ATXN2: variants seen among roughly 807,000 people sequenced by gnomAD.
The protein encoded by ATXN2 is ataxin-2.
Under a neutral mutation model 138.6 loss-of-function variants are expected in ATXN2, and 37 were observed. That is an observed-to-expected ratio of 0.27 (90% CI 0.21 to 0.35). The LOEUF (loss-of-function observed/expected upper bound fraction) is 0.35. Ranked by LOEUF, ATXN2 falls within the 10% of genes least tolerant of loss-of-function variation. The probability of loss-of-function intolerance (pLI) is 1.00; values close to 1 mark genes in which losing one functional copy is unlikely to be tolerated. For missense variants in ATXN2, 1,216 were observed against 1,480.3 expected (o/e 0.82, Z 2.93); for synonymous variants, 549 against 543.7 (o/e 1.01, Z -0.13).
At chr12:111,461,694 A>G (rs1875593410) in intron 21 of ATXN2, among the ~76,000 whole-genome samples, 1 of 151,652 alleles carries the variant, frequency 6.6e-6, no homozygotes. Flanking sequence ...GGGCCGAGGT[A>G]GGTGATCACG....
intron 14 of ATXN2, among the ~76,000 whole-genome samples, chr12:111,501,582 C>T (rs189460091): frequency 6.6e-5 from 10 of 152,252 alleles, no homozygotes; most frequent in Admixed American, 1.3e-4. Flanking sequence ...GCAACTCTGG[C>T]GCATCGCAAG....
At chr12:111,495,372 C>G (rs1226222379) in intron 14 of ATXN2, among the ~76,000 whole-genome samples, 1 of 147,846 alleles carries the variant, frequency 6.8e-6, no homozygotes, top group Admixed American at 6.8e-5. Context: ...CCTATAAAAT[C>G]ACACATAGAC....
chr12:111,537,858 G>A (rs937059289), intron 5 of ATXN2, among the ~76,000 whole-genome samples: 1 of 152,030 alleles, frequency 6.6e-6, no homozygotes, highest in Non-Finnish European at 1.5e-5. Context: ...CACTTTGGGA[G>A]GCTGGGGCAG....
chr12:111,561,558 G>A (rs1882688554), intron 1 of ATXN2, among the ~76,000 whole-genome samples: 1 of 151,946 alleles, frequency 6.6e-6, no homozygotes, highest in Non-Finnish European at 1.5e-5. Context: ...ACTTGGCTGG[G>A]CACAGTGGCT....
At position 111,516,265 on chromosome 12, in the gene ATXN2, T is replaced by A; in HGVS notation, c.1264A>T (p.Thr422Ser). The change falls in exon 10 of 25, where the codon ACA becomes TCA. Residue 422 changes from threonine (T) to serine (S), a missense_variant. Thr to Ser is a moderately conservative substitution (Grantham distance 58). Coordinates refer to ENST00000673436, the MANE Select transcript of ATXN2 (RefSeq NM_001372574.1). This position sits in a 1 kb window ranked among gnomAD's most constrained non-coding sequence, Gnocchi z 5.0. ...NSLPPRAATP[T>S]RPPSRPPSRP... is the part of the protein sequence containing the mutation. ...GAGGGGGGCCTGGAGGGCGGCCGTGTAGGGGTGGCTGCCCGAGGTGGAAGA... is the reference window on the plus strand; with the variant it reads ...GAGGGGGGCCTGGAGGGCGGCCGTGAAGGGGTGGCTGCCCGAGGTGGAAGA... 2 of 1,573,256 alleles carry A rather than the reference T, an allele frequency of 1.3e-6. No individual in the cohort carries two copies. The highest frequency in any genetic ancestry group is 1.7e-6 in the Non-Finnish European group (2 of 1,165,136).
At chr12:111,569,095 C>G (rs909252995) in intron 1 of ATXN2, among the ~76,000 whole-genome samples, 2 of 152,140 alleles carry the variant, frequency 1.3e-5, no homozygotes, top group African/African-American at 4.8e-5. Flanking sequence ...ATATAATCAT[C>G]TAGGATCATT....
chr12:111,598,980 G>A lies in ATXN2; in HGVS notation c.55C>T (p.Gln19Ter). The A allele has an allele frequency of 7.9e-7, 1 of 1,258,742 alleles. No individual in the cohort carries two copies. The allele number at this position is 1,258,742 out of a possible 1,614,324, so 78.0% of individuals were successfully genotyped here. A position where few individuals can be genotyped will look rare whatever the true frequency, so the allele number is the denominator to read the frequency against. The change falls in exon 1 of 25, where the codon CAA (glutamine) becomes TAA (stop). Residue 19 changes from glutamine (Q) to a stop codon, truncating the protein, a stop_gained. Coordinates refer to ENST00000673436, the MANE Select transcript of ATXN2 (RefSeq NM_001372574.1). LOFTEE classifies it high-confidence loss of function. This position sits in a 1 kb window ranked among gnomAD's most constrained non-coding sequence, Gnocchi z 4.5. ...TGCTGCTGCTGCTGCTGCTGCTGTT[G>A]CTGCTGCTGCTGCTGCTGCTGCTGC... is the stretch of plus-strand genomic sequence containing the variant. ...QQQQQQQQQQ[Q>*]QQQQQQQQQP...
intron 1 of ATXN2, among the ~76,000 whole-genome samples, chr12:111,582,176 T>C (rs989801044): frequency 1.3e-5 from 2 of 151,988 alleles, no homozygotes; most frequent in Non-Finnish European, 2.9e-5. Context: ...CAAAAATTTT[T>C]TTAAATTGTA....
chr12:111,485,435 T>C (rs1404816181), intron 17 of ATXN2, 104 bp from the exon 18 acceptor site: 6 of 1,177,386 alleles, frequency 5.1e-6, no homozygotes, highest in Non-Finnish European at 7.3e-6. Flanking sequence ...CATGAGAAGG[T>C]TTCCTGATTC....
chr12:111,555,477 C>G lies in ATXN2; in HGVS notation c.288+406G>C, dbSNP rs1000619163. The stretch of plus-strand genomic sequence containing the variant: ...GATAGTGAGTGAGTTCTCAGGAGAT[C>G]TGATGGTTTTATAAGGGGCTTTCCC... On this transcript the variant is annotated intron_variant, in intron 2 of 24. Coordinates refer to ENST00000673436, the MANE Select transcript of ATXN2 (RefSeq NM_001372574.1). Among the ~76,000 whole-genome samples, 6 of 152,216 alleles carry G rather than the reference C, an allele frequency of 3.9e-5. No homozygotes were observed. In the South Asian group the frequency reaches 1.0e-3, roughly 26 times the overall value.
At chr12:111,482,429 C>T (rs1877310758) in intron 18 of ATXN2, among the ~76,000 whole-genome samples, 1 of 151,732 alleles carries the variant, frequency 6.6e-6, no homozygotes, top group South Asian at 2.1e-4. Flanking sequence ...CTCCTGACCT[C>T]GTGATCTGCC....
chr12:111,483,179 C>A (rs1228772912), intron 18 of ATXN2, among the ~76,000 whole-genome samples: 3 of 135,536 alleles, frequency 2.2e-5, no homozygotes, highest in South Asian at 2.5e-4. Flanking sequence ...AAAGCAAGAC[C>A]CTGTATCAAA....
At chr12:111,466,194 TAAAAA>T (rs1876005374) in intron 20 of ATXN2, among the ~76,000 whole-genome samples, 1 of 117,328 alleles carries the variant, frequency 8.5e-6, no homozygotes, top group African/African-American at 3.1e-5. Flanking sequence ...AAAAAATAAA[TAAAAA>T]ATAAAAAAAA....
chr12:111,521,169 C>T (rs144561664), intron 6 of ATXN2, among the ~76,000 whole-genome samples, 196 bp from the exon 7 acceptor site: 2 of 152,256 alleles, frequency 1.3e-5, no homozygotes, highest in East Asian at 3.9e-4. Flanking sequence ...AGTAACTATA[C>T]AACACAATTA....
At chr12:111,534,852 A>G (rs1881058022) in intron 5 of ATXN2, among the ~76,000 whole-genome samples, 1 of 152,062 alleles carries the variant, frequency 6.6e-6, no homozygotes, top group South Asian at 2.1e-4. Flanking sequence ...AAAATGTTAA[A>G]GTCTGGGCAT....
At chr12:111,589,272 A>T (rs1253921851) in intron 1 of ATXN2, among the ~76,000 whole-genome samples, 1 of 151,680 alleles carries the variant, frequency 6.6e-6, no homozygotes, top group Non-Finnish European at 1.5e-5. Context: ...CCGAGATCAC[A>T]TCACTGCATT....
intron 2 of ATXN2, among the ~76,000 whole-genome samples, chr12:111,554,550 C>T (rs1176834924): frequency 6.6e-6 from 1 of 152,086 alleles, no homozygotes; most frequent in Non-Finnish European, 1.5e-5. Flanking sequence ...ACAGAAGGAA[C>T]AGAAGGTCAG....
intron 14 of ATXN2, among the ~76,000 whole-genome samples, chr12:111,499,047 A>C (rs913890885): frequency 6.6e-6 from 1 of 152,216 alleles, no homozygotes; most frequent in African/African-American, 2.4e-5. Flanking sequence ...AAAAAAAATC[A>C]AATCAAAATG....
In ATXN2 at chr12:111,470,018, G is replaced by T. The variant is rs188681102; in HGVS notation, c.2842+90C>A. 2.1e-4 allele frequency: 289 copies of T among 1,362,400 alleles called. No individual in the cohort carries two copies. In the African/African-American group the frequency reaches 3.2e-3, roughly 15 times the overall value. 84.4% of individuals were successfully genotyped at this position (1,362,400 alleles called of 1,614,324 possible). On this transcript the variant is annotated intron_variant, in intron 20 of 24. Coordinates refer to ENST00000673436, the MANE Select transcript of ATXN2 (RefSeq NM_001372574.1). ...TTCTTGACCCTCAATGTCATAAAAGGTCAGGTTATTCTTAGATAGAGTATG... is the reference window on the plus strand; with the variant it reads ...TTCTTGACCCTCAATGTCATAAAAGTTCAGGTTATTCTTAGATAGAGTATG...
Sources: allele counts gnomAD v4.1 joint callset (sites outside exome capture counted in the v4.1 genomes callset), GRCh38; gene constraint gnomAD v4.1.1; non-coding constraint Gnocchi (gnomAD v3.1); transcripts MANE v1.5; gene names NCBI Gene and HGNC (gene_info 2026-07-23, HGNC 2026-07-21).